PTPRN2: variants seen among roughly 807,000 people sequenced by gnomAD.
PTPRN2 encodes the protein protein tyrosine phosphatase receptor type N2.
In PTPRN2, 74 loss-of-function variants were observed where a neutral mutation model predicts 118.8. That is an observed-to-expected ratio of 0.62 (90% confidence interval 0.52 to 0.76). PTPRN2 has a LOEUF of 0.76. PTPRN2 is among the 30% of genes least tolerant of loss of function. PTPRN2 has a pLI of 0.00. For synonymous variants in PTPRN2, 641 were observed against 608.0 expected, an observed-to-expected ratio of 1.05 and a Z score of -0.80; for missense variants, 1,481 against 1,394.4, an observed-to-expected ratio of 1.06 and a Z score of -0.99.
intron 6 of PTPRN2, among the ~76,000 whole-genome samples, chr7:158,149,311 T>A (rs1030302684): frequency 4.6e-5 from 7 of 152,212 alleles, no homozygotes; most frequent in Non-Finnish European, 8.8e-5. Context: ...CATCAATGTG[T>A]AAATCACTGC....
At chr7:157,863,516 A>C (rs1810397992) in intron 12 of PTPRN2, 1 of 152,256 alleles carries the variant, frequency 6.6e-6, no homozygotes, top group African/African-American at 2.4e-5. Flanking sequence ...AAGAAACCTT[A>C]TACCACCAAC....
At chr7:158,113,778 AC>A (rs67939791) in intron 9 of PTPRN2, among the ~76,000 whole-genome samples, 45,189 of 152,158 alleles carry the variant, frequency 0.3, 7,657 homozygotes, top group Middle Eastern at 0.44. Flanking sequence ...CGTCGACGCT[AC>A]AAGCTGTTGT....
chr7:157,672,729 A>T (rs1264842133), intron 13 of PTPRN2, among the ~76,000 whole-genome samples: 1 of 152,238 alleles, frequency 6.6e-6, no homozygotes, highest in African/African-American at 2.4e-5. Context: ...TATCACTTGT[A>T]AACTCTTTTA....
intron 2 of PTPRN2, among the ~76,000 whole-genome samples, chr7:158,326,797 GCA>G (rs1229652046): frequency 1.4e-5 from 2 of 139,286 alleles, no homozygotes; most frequent in African/African-American, 2.7e-5. Context: ...GCACACACAT[GCA>G]CATTCTCACA....
intron 11 of PTPRN2, among the ~76,000 whole-genome samples, chr7:157,899,328 G>T (rs1186768427): frequency 1.3e-5 from 2 of 152,154 alleles, no homozygotes; most frequent in Non-Finnish European, 2.9e-5. Flanking sequence ...GCACTCGATG[G>T]CAAACCAAGG....
chr7:157,626,068 C>T (rs746234184), intron 14 of PTPRN2, among the ~76,000 whole-genome samples: 5 of 152,130 alleles, frequency 3.3e-5, no homozygotes, highest in African/African-American at 4.8e-5. Context: ...ATAAGGAAAC[C>T]AAGGCCTAGA....
chr7:158,188,592 C>G, intron 5 of PTPRN2, among the ~76,000 whole-genome samples: 1 of 120,164 alleles, frequency 8.3e-6, no homozygotes, highest in Non-Finnish European at 1.7e-5. Flanking sequence ...ACGCTCGCCC[C>G]CTGATGGGGA....
chr7:158,240,575 TGTGCCACCACACCC>T (rs1340855445), intron 3 of PTPRN2, among the ~76,000 whole-genome samples: 4 of 152,174 alleles, frequency 2.6e-5, no homozygotes, highest in Non-Finnish European at 5.9e-5. Context: ...ATTATAGGTG[TGTGCCACCACACCC>T]GGCTAATTTT....
intron 12 of PTPRN2, among the ~76,000 whole-genome samples, chr7:157,849,932 C>T (rs1809145170): frequency 6.6e-6 from 1 of 152,320 alleles, no homozygotes; most frequent in East Asian, 1.9e-4. Flanking sequence ...CCGTGTGTGC[C>T]GTGTCCTGGG....
chr7:157,807,796 T>C (rs927454248), intron 12 of PTPRN2, among the ~76,000 whole-genome samples: 2 of 152,218 alleles, frequency 1.3e-5, no homozygotes, highest in African/African-American at 4.8e-5. Flanking sequence ...GAAGTGGTTC[T>C]GGGGACAGTG....
At chr7:158,441,736 G>C (rs1817288840) in intron 2 of PTPRN2, among the ~76,000 whole-genome samples, 1 of 149,780 alleles carries the variant, frequency 6.7e-6, no homozygotes, top group Non-Finnish European at 1.5e-5. Flanking sequence ...CGATGGTGAT[G>C]GCAGTGGTGG....
In PTPRN2 at chr7:158,119,614, G is replaced by GAGAGA. The variant is rs1563460397; in HGVS notation, c.1557-8700_1557-8699insTCTCT. The stretch of plus-strand genomic sequence containing the variant: ...CAGTACAAGAAGATATTTGAAAGAG[G>GAGAGA]GAGAGAGAGAGAGAGAGAGACACCA... On this transcript the variant is annotated intron_variant, in intron 9 of 22. Coordinates refer to ENST00000389418, the MANE Select transcript of PTPRN2 (RefSeq NM_002847.5). Among the ~76,000 whole-genome samples, 535 of 147,172 alleles carry GAGAGA rather than the reference G, an allele frequency of 3.6e-3. 2 individuals carry two copies. Among genetic ancestry groups the GAGAGA allele is most frequent in the African/African-American group, 0.013 (498 of 39,176 alleles).
chr7:158,259,073 C>T (rs549810515), intron 3 of PTPRN2, among the ~76,000 whole-genome samples: 4 of 152,298 alleles, frequency 2.6e-5, no homozygotes, highest in African/African-American at 7.2e-5. Context: ...TGCATGTCCC[C>T]GTGAGGACCC....
At chr7:158,326,506 A>T (rs577785850) in intron 2 of PTPRN2, among the ~76,000 whole-genome samples, 1 of 150,808 alleles carries the variant, frequency 6.6e-6, no homozygotes, top group South Asian at 2.1e-4. Flanking sequence ...CAGCATGCAC[A>T]CACAATGTAT....
rs571279792 is a variant in PTPRN2, at chr7:157,938,808, G to A, written c.1724-40071C>T. On this transcript the variant is annotated intron_variant, in intron 11 of 22. Coordinates refer to ENST00000389418, the MANE Select transcript of PTPRN2 (RefSeq NM_002847.5). ...CCTTTGGGGTGTTGGTGCTTATGTA[G>A]GATGATCCAACCCTGGCAGTAAAAG... Among the ~76,000 whole-genome samples the A allele has an allele frequency of 1.1e-4, 17 of 152,316 alleles. No individual in the cohort carries two copies. The South Asian group carries it at 2.7e-3, about 24-fold the overall frequency.
Position 157,644,039 on chromosome 7 carries a change from G to A in PTPRN2, c.2196+12318C>T, listed in dbSNP as rs1804870988. Among the ~76,000 whole-genome samples the A allele has an allele frequency of 3.3e-5, 5 of 152,330 alleles. No homozygotes were observed. In the South Asian group the frequency reaches 1.0e-3, roughly 32 times the overall value. On this transcript the variant is annotated intron_variant, in intron 14 of 22. Transcript: ENST00000389418. ...ACCAGAAAACACTGGTGTGCATCAG[G>A]CGTCGGTCCCTGTTACGGGCTGAAC...
chr7:157,865,092 G>A (rs1410863620), intron 12 of PTPRN2: 1 of 152,492 alleles, frequency 6.6e-6, no homozygotes. Context: ...GGTTGACTCT[G>A]GCCACCGAAA....
chr7:158,364,994 C>T (rs1307228700), intron 2 of PTPRN2, among the ~76,000 whole-genome samples: 5 of 151,666 alleles, frequency 3.3e-5, no homozygotes, highest in Non-Finnish European at 7.4e-5. Context: ...CACACACACA[C>T]GCATGTGCAC....
chr7:158,269,853 C>CAGAGACAGAGAGAGACAGAA (rs1319777401), intron 3 of PTPRN2, among the ~76,000 whole-genome samples: 1 of 151,030 alleles, frequency 6.6e-6, no homozygotes, highest in African/African-American at 2.5e-5. Flanking sequence ...GTCGGAGACA[C>CAGAGACAGAGAGAGACAGAA]AGAGACAGAG....
Sources: gnomAD v4.1 joint callset for allele counts (sites outside exome capture counted in the v4.1 genomes callset) on GRCh38, gnomAD v4.1.1 for gene constraint, MANE v1.5 for transcripts, NCBI Gene and HGNC (gene_info 2026-07-23, HGNC 2026-07-21) for gene names.